Variants in RBFOX1 observed in about 807,000 individuals in gnomAD.
The protein encoded by RBFOX1 is RNA binding protein fox-1 homolog 1.
RBFOX1 carries 8 observed loss-of-function variants against 57.7 expected under a neutral mutation model. The ratio of observed to expected loss-of-function variants is 0.14; its 90% CI spans 0.08 to 0.25. RBFOX1 has a LOEUF of 0.25. Among genes scored for constraint, RBFOX1 ranks in the 10% least tolerant of loss-of-function variants. The pLI, the probability that RBFOX1 is intolerant of heterozygous loss-of-function variation, is 1.00. For synonymous variants in RBFOX1, 326 were observed against 222.4 expected (o/e 1.47, Z -4.15); for missense variants, 611 against 548.5 (o/e 1.11, Z -1.14).
intron 4 of RBFOX1, among the ~76,000 whole-genome samples, chr16:7,504,737 A>ATATT (rs1953514431): frequency 1.5e-4 from 1 of 6,494 alleles, no homozygotes; most frequent in African/African-American, 3.8e-4. Flanking sequence ...ATATATATAT[A>ATATT]TATATATATA....
chr16:6,300,448 A>G (rs910465862), intron 1 of RBFOX1, among the ~76,000 whole-genome samples: 1 of 152,186 alleles, frequency 6.6e-6, no homozygotes, highest in Admixed American at 6.5e-5. Context: ...ATTTTTGTCA[A>G]CTTAAAGAAT....
At chr16:7,557,648 AGAAAAAAAAAAAG>A (rs2089069181) in intron 5 of RBFOX1, among the ~76,000 whole-genome samples, 1 of 96,530 alleles carries the variant, frequency 1.0e-5, no homozygotes. Flanking sequence ...AAAAAGAAAA[AGAAAAAAAAAAAG>A]CATTTTCTTA....
intron 2 of RBFOX1, among the ~76,000 whole-genome samples, chr16:6,613,683 A>C (rs936318746): frequency 6.6e-6 from 1 of 152,172 alleles, no homozygotes; most frequent in Non-Finnish European, 1.5e-5. Context: ...CTCATTTTTT[A>C]AAAAAGGTAG....
At chr16:7,133,110 A>T (rs889960829) in intron 4 of RBFOX1, among the ~76,000 whole-genome samples, 27 of 152,350 alleles carry the variant, frequency 1.8e-4, no homozygotes, top group Non-Finnish European at 3.5e-4. Context: ...TATGGTTTGT[A>T]TGCATCAAAA....
At chr16:5,262,385 C>G (rs2062756805) in intron 1 of RBFOX1, among the ~76,000 whole-genome samples, 1 of 152,164 alleles carries the variant, frequency 6.6e-6, no homozygotes, top group East Asian at 1.9e-4. Flanking sequence ...GAGCCTCATC[C>G]AATCCACTGA....
intron 10 of RBFOX1, among the ~76,000 whole-genome samples, chr16:7,628,833 G>A (rs1357140363): frequency 2.0e-5 from 3 of 152,036 alleles, no homozygotes; most frequent in African/African-American, 7.3e-5. Flanking sequence ...GGCTGGTCTC[G>A]AACTCCTAAC....
chr16:6,722,544 C>G (rs2066235041), intron 3 of RBFOX1, among the ~76,000 whole-genome samples: 1 of 151,970 alleles, frequency 6.6e-6, no homozygotes, highest in African/African-American at 2.4e-5. Context: ...ATTTTGTATA[C>G]TCAGTACCAT....
intron 3 of RBFOX1, among the ~76,000 whole-genome samples, chr16:5,731,936 G>A (rs912919591): frequency 1.3e-5 from 2 of 152,142 alleles, no homozygotes; most frequent in Admixed American, 6.5e-5. Flanking sequence ...TTTAATGGAA[G>A]GTCCTCTCTC....
intron 3 of RBFOX1, among the ~76,000 whole-genome samples, chr16:5,811,515 A>G (rs1327871033): frequency 6.6e-6 from 1 of 150,682 alleles, no homozygotes; most frequent in Non-Finnish European, 1.5e-5. Flanking sequence ...CAGTGGCACA[A>G]TCTCAGCTCA....
At chr16:6,799,527 T>C in intron 3 of RBFOX1, among the ~76,000 whole-genome samples, 1 of 152,044 alleles carries the variant, frequency 6.6e-6, no homozygotes, top group Non-Finnish European at 1.5e-5. Context: ...TGGTGAACTA[T>C]TGTTTCTGGG....
intron 4 of RBFOX1, among the ~76,000 whole-genome samples, chr16:7,303,319 C>T (rs1384783092): frequency 6.6e-6 from 1 of 152,192 alleles, no homozygotes; most frequent in Non-Finnish European, 1.5e-5. Context: ...CAAGCTCCCT[C>T]CTGCCCCCAG....
At chr16:6,834,546 AG>A (rs2092947263) in intron 3 of RBFOX1, among the ~76,000 whole-genome samples, 1 of 152,156 alleles carries the variant, frequency 6.6e-6, no homozygotes, top group Admixed American at 6.5e-5. Context: ...ATTAATTAAC[AG>A]GAGATATCAG....
chr16:7,278,165 T>G (rs2095476427), intron 4 of RBFOX1, among the ~76,000 whole-genome samples: 1 of 152,192 alleles, frequency 6.6e-6, no homozygotes, highest in African/African-American at 2.4e-5. Context: ...CACGTGGTTT[T>G]AAGTTGGAAA....
intron 2 of RBFOX1, among the ~76,000 whole-genome samples, chr16:6,366,632 G>C (rs9936958): frequency 0.019 from 2,963 of 152,280 alleles, 94 homozygotes; most frequent in African/African-American, 0.068. Context: ...CCATGTGCCA[G>C]GTTCTTCTGC....
At chr16:6,083,699 A>C (rs896104383) in intron 1 of RBFOX1, among the ~76,000 whole-genome samples, 2 of 151,296 alleles carry the variant, frequency 1.3e-5, no homozygotes, top group Non-Finnish European at 2.9e-5. Context: ...CTGGACTCAA[A>C]CTCCCAGGCT....
chr16:6,144,947 A>G (rs994436223), intron 1 of RBFOX1, among the ~76,000 whole-genome samples: 3 of 152,180 alleles, frequency 2.0e-5, no homozygotes, highest in Non-Finnish European at 4.4e-5. Flanking sequence ...AATTCCCTCT[A>G]GGAAAAGCCA....
intron 3 of RBFOX1, among the ~76,000 whole-genome samples, chr16:5,659,828 T>G (rs556792934): frequency 5.9e-5 from 9 of 152,324 alleles, no homozygotes; most frequent in African/African-American, 1.9e-4. Context: ...ATTGGTATTT[T>G]CACATCACAT....
At chr16:6,856,420 C>A (rs1047506282) in intron 3 of RBFOX1, among the ~76,000 whole-genome samples, 1 of 152,092 alleles carries the variant, frequency 6.6e-6, no homozygotes, top group African/African-American at 2.4e-5. Context: ...GGTGAGCAAT[C>A]CTGATCCCAC....
intron 2 of RBFOX1, among the ~76,000 whole-genome samples, chr16:5,512,379 C>T (rs998662350): frequency 6.6e-6 from 1 of 151,974 alleles, no homozygotes; most frequent in African/African-American, 2.4e-5. Context: ...TTCTTCTTTC[C>T]TTCCTTCCTC....
Sources: gnomAD v4.1 joint callset for allele counts (sites outside exome capture counted in the v4.1 genomes callset) on GRCh38, gnomAD v4.1.1 for gene constraint, MANE v1.5 for transcripts, NCBI Gene and HGNC (gene_info 2026-07-23, HGNC 2026-07-21) for gene names.